SLC35F1: variants seen among roughly 807,000 people sequenced by gnomAD.
SLC35F1 encodes chromosome 6 open reading frame 169.
SLC35F1 carries 14 observed loss-of-function variants against 48.7 expected under a neutral mutation model. The ratio of observed to expected loss-of-function variants is 0.29; its 90% confidence interval spans 0.19 to 0.45. The LOEUF (loss-of-function observed/expected upper bound fraction) is 0.45. Among genes scored for constraint, SLC35F1 ranks in the 20% least tolerant of loss-of-function variants. SLC35F1 has a pLI of 1.00. For synonymous variants in SLC35F1, 190 were observed against 202.2 expected (o/e 0.94, Z 0.51); for missense variants, 404 against 500.0 (o/e 0.81, Z 1.83).
rs1230496685 is a variant in SLC35F1, at chr6:117,929,451, T to TTGTGTG, written c.173+21553_173+21554insGTGTGT. Among the ~76,000 whole-genome samples the TTGTGTG allele has an allele frequency of 4.5e-5, 4 of 88,586 alleles. No homozygotes were observed. In the East Asian group the frequency reaches 9.7e-4, roughly 21 times the overall value. The allele number at this position is 88,586 out of a possible 152,430, so 58.1% of individuals were successfully genotyped here. A position where few individuals can be genotyped will look rare whatever the true frequency, so the allele number is the denominator to read the frequency against. ...CACATTTGTATATATGTGTATGTAT[T>TTGTGTG]TATGTGTGTGTGTGTGTGTGTGTGT... On this transcript the variant is annotated intron_variant, in intron 1 of 7. Transcript: ENST00000360388.
At chr6:117,934,904 C>T (rs1166398992) in intron 1 of SLC35F1, among the ~76,000 whole-genome samples, 2 of 148,264 alleles carry the variant, frequency 1.3e-5, no homozygotes, top group African/African-American at 5.3e-5. Context: ...GTCAGGAGTT[C>T]GAGACCCAGC....
chr6:117,971,580 A>C (rs1248222034), intron 1 of SLC35F1, among the ~76,000 whole-genome samples: 1 of 151,178 alleles, frequency 6.6e-6, no homozygotes, highest in East Asian at 1.9e-4. Context: ...CCCCTGCAGT[A>C]AGCTTCTGCC....
chr6:118,006,135 G>T (rs1582614862), intron 1 of SLC35F1, among the ~76,000 whole-genome samples: 1 of 152,036 alleles, frequency 6.6e-6, no homozygotes, highest in Non-Finnish European at 1.5e-5. Context: ...TAGAATTATT[G>T]CTATTATCAT....
At chr6:118,297,642 A>AT (rs1158125735) in intron 7 of SLC35F1, among the ~76,000 whole-genome samples, 3 of 37,460 alleles carry the variant, frequency 8.0e-5, no homozygotes, top group Admixed American at 1.8e-4. Flanking sequence ...ATATATAAAA[A>AT]ATATATATAT....
intron 3 of SLC35F1, among the ~76,000 whole-genome samples, chr6:118,254,796 A>G (rs1172754342): frequency 1.3e-5 from 2 of 152,118 alleles, no homozygotes; most frequent in Non-Finnish European, 2.9e-5. Flanking sequence ...CTTTAATGTT[A>G]CTGTTAATGT....
intron 4 of SLC35F1, among the ~76,000 whole-genome samples, chr6:118,271,741 C>T (rs1038639883): frequency 2.6e-5 from 4 of 152,080 alleles, no homozygotes; most frequent in African/African-American, 9.7e-5. Flanking sequence ...TTTTGCAAAG[C>T]AATTATGACT....
At chr6:118,307,987 C>A (rs1405702185) in intron 7 of SLC35F1, among the ~76,000 whole-genome samples, 1 of 152,324 alleles carries the variant, frequency 6.6e-6, no homozygotes, top group East Asian at 1.9e-4. Flanking sequence ...TATAAGGACA[C>A]GCAGAGGGTT....
intron 1 of SLC35F1, among the ~76,000 whole-genome samples, chr6:118,112,082 C>CTTTCT (rs202065600): frequency 0.036 from 4,733 of 131,474 alleles, 114 homozygotes; most frequent in African/African-American, 0.044. Context: ...TTCTTTATTT[C>CTTTCT]TTTCTTTTCT....
intron 1 of SLC35F1, among the ~76,000 whole-genome samples, chr6:118,136,081 G>A (rs989146385): frequency 1.3e-5 from 2 of 152,208 alleles, no homozygotes; most frequent in African/African-American, 4.8e-5. Context: ...GAAAGACAGA[G>A]TCTCACAGCC....
chr6:118,282,565 A>G (rs753799738), intron 6 of SLC35F1, among the ~76,000 whole-genome samples: 1 of 152,174 alleles, frequency 6.6e-6, no homozygotes, highest in Non-Finnish European at 1.5e-5. Context: ...GAGTCCTCCA[A>G]TTATATATCC....
In SLC35F1 at chr6:118,136,801, A is replaced by G. The variant is rs577979858; in HGVS notation, c.174-17644A>G. On this transcript the variant is annotated intron_variant, in intron 1 of 7. Coordinates refer to ENST00000360388, the MANE Select transcript of SLC35F1 (RefSeq NM_001029858.4). The stretch of plus-strand genomic sequence containing the variant: ...TGCCTCTCATCTCTCTCACTAATAT[A>G]TCTCAGATAGCATTGAGAATGCATA... Among the ~76,000 whole-genome samples, 10 of 152,340 alleles carry G rather than the reference A, an allele frequency of 6.6e-5. No homozygotes were observed. In the East Asian group the frequency reaches 1.9e-3, roughly 29 times the overall value.
At chr6:118,225,664 C>A (rs1369225645) in intron 2 of SLC35F1, among the ~76,000 whole-genome samples, 1 of 151,994 alleles carries the variant, frequency 6.6e-6, no homozygotes, top group East Asian at 1.9e-4. Flanking sequence ...AGTTAAAAAC[C>A]TTCTTCACAG....
Position 118,191,797 on chromosome 6 carries a change from T to C in SLC35F1, c.349+37177T>C, listed in dbSNP as rs534866868. ...CTTTTATACAACCAGAAAACATGCA[T>C]TGAAAATGACAGTTGAATGAAATCC... On this transcript the variant is annotated intron_variant, in intron 2 of 7. Transcript: ENST00000360388. Among the ~76,000 whole-genome samples the C allele has an allele frequency of 4.6e-5, 7 of 152,320 alleles. No individual in the cohort carries two copies. The East Asian group carries it at 1.2e-3, about 25-fold the overall frequency.
At chr6:117,953,362 A>G (rs959356412) in intron 1 of SLC35F1, among the ~76,000 whole-genome samples, 1 of 151,748 alleles carries the variant, frequency 6.6e-6, no homozygotes, top group African/African-American at 2.4e-5. Flanking sequence ...TTTTTATTGA[A>G]TTTTTTTCTA....
At chr6:117,927,503 G>A (rs1433045599) in intron 1 of SLC35F1, among the ~76,000 whole-genome samples, 1 of 152,154 alleles carries the variant, frequency 6.6e-6, no homozygotes, top group Non-Finnish European at 1.5e-5. Flanking sequence ...GACCTCACAG[G>A]GCAGGGAGAG....
In SLC35F1 at chr6:118,155,865, G is replaced by C. The variant is rs550719613; in HGVS notation, c.349+1245G>C. On this transcript the variant is annotated intron_variant, in intron 2 of 7. Transcript: ENST00000360388. ...CAATAGTCACACTTTTAGGAAACAT[G>C]TATAAGACTATCAGTATTTAATTTT... Among the ~76,000 whole-genome samples, 9 of 152,296 alleles carry C rather than the reference G, an allele frequency of 5.9e-5. No individual in the cohort carries two copies. In the South Asian group the frequency reaches 1.9e-3, roughly 32 times the overall value.
intron 2 of SLC35F1, among the ~76,000 whole-genome samples, chr6:118,215,629 C>A (rs137895887): frequency 6.6e-6 from 1 of 152,328 alleles, no homozygotes; most frequent in Non-Finnish European, 1.5e-5. Flanking sequence ...TTTTATTTGT[C>A]TAACATACCC....
At chr6:117,997,809 A>G (rs1315564312) in intron 1 of SLC35F1, among the ~76,000 whole-genome samples, 1 of 152,224 alleles carries the variant, frequency 6.6e-6, no homozygotes, top group Non-Finnish European at 1.5e-5. Flanking sequence ...GGTACCAGCC[A>G]CTGCAAAATC....
chr6:118,224,060 G>T (rs1775184872), intron 2 of SLC35F1, among the ~76,000 whole-genome samples: 1 of 152,182 alleles, frequency 6.6e-6, no homozygotes, highest in Non-Finnish European at 1.5e-5. Flanking sequence ...CACAAAATGG[G>T]ATTAAGGAAA....
Sources: allele counts gnomAD v4.1 joint callset (sites outside exome capture counted in the v4.1 genomes callset), GRCh38; gene constraint gnomAD v4.1.1; transcripts MANE v1.5; gene names NCBI Gene and HGNC (gene_info 2026-07-23, HGNC 2026-07-21).